FBLN2: variants seen among roughly 807,000 people sequenced by gnomAD.
FBLN2 encodes fibulin-2.
Under a neutral mutation model 123.7 loss-of-function variants are expected in FBLN2, and 81 were observed. That is an observed-to-expected ratio of 0.65 (90% confidence interval 0.55 to 0.79). The LOEUF (loss-of-function observed/expected upper bound fraction) is 0.79. Among genes scored for constraint, FBLN2 ranks in the 30% least tolerant of loss-of-function variants. The pLI is 0.00. For synonymous variants in FBLN2, 699 were observed against 701.4 expected (o/e 1.00, Z 0.05); for missense variants, 1,603 against 1,681.3 (o/e 0.95, Z 0.81).
chr3:13,584,082 C>G (rs542788337), intron 2 of FBLN2, among the ~76,000 whole-genome samples: 95 of 152,298 alleles, frequency 6.2e-4, no homozygotes, highest in African/African-American at 2.1e-3. Context: ...AACACAAGGG[C>G]AGTCGCTCCT....
chr3:13,615,002 A>G (rs1263597879), intron 5 of FBLN2, among the ~76,000 whole-genome samples: 2 of 151,614 alleles, frequency 1.3e-5, no homozygotes, highest in African/African-American at 4.9e-5. Flanking sequence ...CCATCCATCC[A>G]TCCATCCATC....
intron 2 of FBLN2, among the ~76,000 whole-genome samples, chr3:13,576,032 C>G (rs1704130475): frequency 1.3e-5 from 2 of 152,164 alleles, no homozygotes; most frequent in Non-Finnish European, 2.9e-5. Context: ...CTGTGCCCTG[C>G]CCACCGTAAG....
intron 1 of FBLN2, among the ~76,000 whole-genome samples, chr3:13,555,540 C>T (rs1190317999): frequency 2.0e-5 from 3 of 151,762 alleles, no homozygotes; most frequent in Admixed American, 1.3e-4. Flanking sequence ...CTGCAAGCTC[C>T]GCCTCCCAGG....
chr3:13,626,237 A>C (rs920704302), intron 9 of FBLN2, among the ~76,000 whole-genome samples: 1 of 152,226 alleles, frequency 6.6e-6, no homozygotes, highest in African/African-American at 2.4e-5. Flanking sequence ...TGCCAAGAAC[A>C]GTGCTTGGTG....
rs41284001 is a variant in FBLN2, at chr3:13,629,903, G to A, written c.2926G>A (p.Ala976Thr). The change falls in exon 14 of 18, where the codon GCC becomes ACC. Residue 976 changes from alanine (A) to threonine (T), a missense_variant. Ala to Thr is a moderately conservative substitution (Grantham distance 58, BLOSUM62 0). Transcript: ENST00000404922. ...ACTCGGCTCCTACCGCTGTTCCTGC[G>A]CCTCCGGGTTCCTGCTAGCAGCGGA... The part of the protein sequence containing the change: ...NTLGSYRCSC[A>T]SGFLLAADGK... 35 of 1,607,824 alleles carry A rather than the reference G, an allele frequency of 2.2e-5. No individual in the cohort carries two copies. The highest frequency in any genetic ancestry group is 1.0e-4 in the South Asian group (9 of 89,576).
intron 3 of FBLN2, 147 bp from the exon 4 acceptor site, chr3:13,609,366 C>A: frequency 1.2e-6 from 1 of 828,336 alleles, no homozygotes; most frequent in Non-Finnish European, 1.8e-6. Context: ...CCATGCAACC[C>A]AGTGGAGGTT....
chr3:13,601,555 A>G (rs1705033376), intron 2 of FBLN2, among the ~76,000 whole-genome samples: 1 of 152,202 alleles, frequency 6.6e-6, no homozygotes, highest in Non-Finnish European at 1.5e-5. Context: ...GCCATGTTCC[A>G]TTCAGATGGT....
intron 16 of FBLN2, among the ~76,000 whole-genome samples, chr3:13,635,259 C>A (rs1472702770): frequency 1.6e-4 from 24 of 152,090 alleles, no homozygotes; most frequent in African/African-American, 5.6e-4. Context: ...TGCCCCTACC[C>A]CACGGGACTT....
intron 2 of FBLN2, among the ~76,000 whole-genome samples, chr3:13,602,727 T>A (rs1385580281): frequency 1.3e-5 from 2 of 152,174 alleles, no homozygotes; most frequent in Non-Finnish European, 2.9e-5. Flanking sequence ...AAGCCACTAA[T>A]TTGAGTGTGT....
chr3:13,569,896 C>A (rs952059798), intron 1 of FBLN2, among the ~76,000 whole-genome samples: 2 of 151,972 alleles, frequency 1.3e-5, no homozygotes, highest in Non-Finnish European at 2.9e-5. Context: ...GGTGAGACAG[C>A]GTGTGTAACT....
At chr3:13,561,868 A>G (rs967768418) in intron 1 of FBLN2, among the ~76,000 whole-genome samples, 1 of 152,228 alleles carries the variant, frequency 6.6e-6, no homozygotes, top group African/African-American at 2.4e-5. Context: ...GACCTGTTCA[A>G]ATCCCCACAC....
chr3:13,549,845 A>ACGTCCC (rs1429748389), intron 1 of FBLN2, among the ~76,000 whole-genome samples: 1 of 151,516 alleles, frequency 6.6e-6, no homozygotes, highest in Non-Finnish European at 1.5e-5. Context: ...CACTCATCTC[A>ACGTCCC]CGTCCCCTTA....
intron 1 of FBLN2, among the ~76,000 whole-genome samples, chr3:13,552,201 A>G (rs1703342463): frequency 1.6e-5 from 2 of 123,202 alleles, no homozygotes; most frequent in Non-Finnish European, 3.4e-5. Flanking sequence ...TGCTGCTGGC[A>G]GGGAACAGGC....
At chr3:13,625,689 G>C (rs1008077287) in intron 9 of FBLN2, among the ~76,000 whole-genome samples, 1 of 151,886 alleles carries the variant, frequency 6.6e-6, no homozygotes, top group African/African-American at 2.4e-5. Context: ...TCAGAATCTA[G>C]CCACTTCTCC....
At chr3:13,556,617 A>T (rs1476832796) in intron 1 of FBLN2, among the ~76,000 whole-genome samples, 3 of 152,146 alleles carry the variant, frequency 2.0e-5, no homozygotes, top group Non-Finnish European at 4.4e-5. Context: ...TCCCTGTGTG[A>T]CCCCAAGGCA....
chr3:13,553,236 A>T (rs1703372631), intron 1 of FBLN2, among the ~76,000 whole-genome samples: 1 of 152,210 alleles, frequency 6.6e-6, no homozygotes, highest in African/African-American at 2.4e-5. Context: ...AGGCAGCCTC[A>T]GGGCGTTCCG....
At chr3:13,572,721 G>A (rs573907055) in intron 2 of FBLN2, among the ~76,000 whole-genome samples, 5 of 152,366 alleles carry the variant, frequency 3.3e-5, no homozygotes, top group African/African-American at 1.2e-4. Flanking sequence ...ATGAGCTGTG[G>A]CGAGAAGGGG....
At chr3:13,557,461 A>G (rs551684116) in intron 1 of FBLN2, among the ~76,000 whole-genome samples, 93 of 152,342 alleles carry the variant, frequency 6.1e-4, no homozygotes, top group Admixed American at 2.4e-3. Flanking sequence ...AGCTTCAGGC[A>G]TGGCTGTATC....
At chr3:13,628,015 C>T (rs779250292) in intron 11 of FBLN2, 46 bp downstream of exon 11, 23 of 1,582,046 alleles carry the variant, frequency 1.5e-5, no homozygotes, top group East Asian at 2.3e-5. Context: ...TAGGGCTCTA[C>T]TGGAGGCATT....
Sources: gnomAD v4.1 joint callset for allele counts (sites outside exome capture counted in the v4.1 genomes callset) on GRCh38, gnomAD v4.1.1 for gene constraint, MANE v1.5 for transcripts, NCBI Gene and HGNC (gene_info 2026-07-23, HGNC 2026-07-21) for gene names.